The following SMG6 variants were observed in gnomAD, a reference collection of about 807,000 sequenced individuals.
SMG6 encodes SMG6 nonsense mediated mRNA decay factor.
In SMG6, 66 loss-of-function variants were observed where a neutral mutation model predicts 142.2. That is an observed-to-expected ratio of 0.46 (90% CI 0.38 to 0.57). SMG6 has a LOEUF of 0.57. Ranked by LOEUF, SMG6 falls within the 20% of genes least tolerant of loss-of-function variation. The pLI, the probability that SMG6 is intolerant of heterozygous loss-of-function variation, is 0.00. For synonymous variants in SMG6, 779 were observed against 702.4 expected (o/e 1.11, Z -1.72); for missense variants, 1,793 against 1,832.0 (o/e 0.98, Z 0.39).
At chr17:2,269,532 C>T (rs1404754829) in intron 8 of SMG6, among the ~76,000 whole-genome samples, 2 of 151,968 alleles carry the variant, frequency 1.3e-5, no homozygotes, top group African/African-American at 4.8e-5. Flanking sequence ...CTACAGGCCA[C>T]CTGGCCTGGG....
chr17:2,196,258 C>G (rs2072321906), intron 10 of SMG6, among the ~76,000 whole-genome samples: 1 of 152,102 alleles, frequency 6.6e-6, no homozygotes, highest in South Asian at 2.1e-4. Context: ...CCTGTTTCTA[C>G]TAAAAATACA....
intron 10 of SMG6, among the ~76,000 whole-genome samples, chr17:2,218,010 AAAAAAC>A (rs2073066111): frequency 1.4e-5 from 2 of 139,130 alleles, no homozygotes; most frequent in South Asian, 2.4e-4. Flanking sequence ...ACTCGGTCTC[AAAAAAC>A]AAAAACAAAA....
At chr17:2,184,077 A>G (rs1476211722) in intron 12 of SMG6, among the ~76,000 whole-genome samples, 2 of 152,176 alleles carry the variant, frequency 1.3e-5, no homozygotes, top group Non-Finnish European at 2.9e-5. Context: ...AGACAGATAC[A>G]CTGGTCTGAT....
At chr17:2,237,417 G>A in intron 9 of SMG6, 1 of 657,426 alleles carries the variant, frequency 1.5e-6, no homozygotes, top group Non-Finnish European at 1.9e-6. Flanking sequence ...ACATAGTTCT[G>A]CTATTGTCTT....
chr17:2,076,901 G>A (rs1467680426), intron 15 of SMG6, among the ~76,000 whole-genome samples: 2 of 152,196 alleles, frequency 1.3e-5, no homozygotes, highest in Non-Finnish European at 2.9e-5. Flanking sequence ...CTCAGAAGGA[G>A]CTGATCAGGA....
At chr17:2,124,085 T>C (rs995373514) in intron 13 of SMG6, among the ~76,000 whole-genome samples, 2 of 152,178 alleles carry the variant, frequency 1.3e-5, no homozygotes. Flanking sequence ...AGGAATATCA[T>C]TCCAGAACAA....
chr17:2,138,900 G>C (rs1358219565), intron 13 of SMG6, among the ~76,000 whole-genome samples: 2 of 152,186 alleles, frequency 1.3e-5, no homozygotes, highest in Non-Finnish European at 2.9e-5. Flanking sequence ...CCCATTTGAA[G>C]TGGAGGCTTG....
chr17:2,231,236 G>T (rs1298874726), intron 10 of SMG6, among the ~76,000 whole-genome samples: 1 of 152,088 alleles, frequency 6.6e-6, no homozygotes, highest in Non-Finnish European at 1.5e-5. Flanking sequence ...AACTCAACTA[G>T]AGTCACCTCC....
intron 9 of SMG6, among the ~76,000 whole-genome samples, chr17:2,238,358 CTT>C (rs143425390): frequency 2.0e-5 from 3 of 150,008 alleles, no homozygotes; most frequent in Admixed American, 2.0e-4. Flanking sequence ...AAACAAAACT[CTT>C]TTTTTTTTCT....
At chr17:2,287,883 A>G (rs1332460788) in intron 6 of SMG6, among the ~76,000 whole-genome samples, 1 of 152,222 alleles carries the variant, frequency 6.6e-6, no homozygotes, top group Non-Finnish European at 1.5e-5. Context: ...GGTTAGTTGC[A>G]GAGGTTGTGG....
At chr17:2,296,733 C>A (rs2075150002) in intron 4 of SMG6, among the ~76,000 whole-genome samples, 1 of 152,170 alleles carries the variant, frequency 6.6e-6, no homozygotes, top group Admixed American at 6.5e-5. Flanking sequence ...GTGGCTCATG[C>A]CTGCAATCCC....
intron 1 of SMG6, among the ~76,000 whole-genome samples, chr17:2,301,214 C>T (rs1372325948): frequency 6.6e-6 from 1 of 152,180 alleles, no homozygotes; most frequent in African/African-American, 2.4e-5. Flanking sequence ...AAAAATGCAA[C>T]TTTAGTCTTT....
At chr17:2,097,527 C>T (rs2068889333) in intron 13 of SMG6, among the ~76,000 whole-genome samples, 1 of 152,140 alleles carries the variant, frequency 6.6e-6, no homozygotes, top group African/African-American at 2.4e-5. Context: ...GGGCATATTT[C>T]CTACCAGAAG....
At chr17:2,113,200 G>C (rs1007906844) in intron 13 of SMG6, among the ~76,000 whole-genome samples, 1 of 151,884 alleles carries the variant, frequency 6.6e-6, no homozygotes, top group African/African-American at 2.4e-5. Context: ...CTCCTGATTA[G>C]TGAACAGCTA....
chr17:2,192,685 T>C (rs1334748203), intron 10 of SMG6, among the ~76,000 whole-genome samples: 3 of 152,126 alleles, frequency 2.0e-5, no homozygotes, highest in Non-Finnish European at 4.4e-5. Flanking sequence ...TTCTCATGAG[T>C]CAGTTACCAG....
chr17:2,222,675 T>C lies in SMG6; in HGVS notation c.2869+13817A>G, dbSNP rs148873957. 3.0e-4 allele frequency among the ~76,000 whole-genome samples: 46 copies of C among 151,478 alleles called. 1 individual carries two copies. Among genetic ancestry groups the C allele is most frequent in the African/African-American group, 9.9e-4 (41 of 41,324 alleles). Reference sequence around the variant, plus strand: ...TGAACACAGCAGACTCTGTATGTAATGTGTCTGTGTGTGCATGTTTGGGAA... The same window carrying C: ...TGAACACAGCAGACTCTGTATGTAACGTGTCTGTGTGTGCATGTTTGGGAA... On this transcript the variant is annotated intron_variant, in intron 10 of 18. Coordinates refer to ENST00000263073, the MANE Select transcript of SMG6 (RefSeq NM_017575.5).
intron 9 of SMG6, 69 bp downstream of exon 9, chr17:2,244,589 T>C: frequency 1.6e-6 from 2 of 1,276,180 alleles, no homozygotes; most frequent in Admixed American, 1.8e-5. Context: ...ACAGTCCAGT[T>C]GCTAACAATA....
intron 8 of SMG6, among the ~76,000 whole-genome samples, chr17:2,280,361 C>T (rs1380760589): frequency 6.6e-6 from 1 of 152,140 alleles, no homozygotes; most frequent in East Asian, 1.9e-4. Flanking sequence ...CTCCCGGGTT[C>T]AAGCAACTCT....
At chr17:2,197,574 A>C (rs1486232815) in intron 10 of SMG6, among the ~76,000 whole-genome samples, 2 of 152,050 alleles carry the variant, frequency 1.3e-5, no homozygotes, top group African/African-American at 4.8e-5. Flanking sequence ...AAAAAACAAC[A>C]CATAAAGAAA....
Sources: allele counts gnomAD v4.1 joint callset (sites outside exome capture counted in the v4.1 genomes callset), GRCh38; gene constraint gnomAD v4.1.1; transcripts MANE v1.5; gene names NCBI Gene and HGNC (gene_info 2026-07-23, HGNC 2026-07-21).